The following GLRA3 variants were observed in gnomAD, a reference collection of about 807,000 sequenced individuals.
GLRA3 encodes glycine receptor alpha 3, also known as glycine receptor subunit alpha-3.
Under a neutral mutation model 60.4 loss-of-function variants are expected in GLRA3, and 44 were observed. The ratio of observed to expected loss-of-function variants is 0.73; its 90% confidence interval spans 0.57 to 0.94. The LOEUF is 0.94. GLRA3 is among the 40% of genes least tolerant of loss of function. The pLI, the probability that GLRA3 is intolerant of heterozygous loss-of-function variation, is 0.00. For missense variants in GLRA3, 508 were observed against 564.6 expected, an observed-to-expected ratio of 0.90 and a Z score of 1.02; for synonymous variants, 223 against 192.9, an observed-to-expected ratio of 1.16 and a Z score of -1.29.
chr4:174,703,380 C>T (rs112054538), intron 5 of GLRA3, among the ~76,000 whole-genome samples: 2,273 of 152,258 alleles, frequency 0.015, 64 homozygotes, highest in African/African-American at 0.053. Flanking sequence ...AAGTCCACCT[C>T]ACTCATTTAT....
chr4:174,747,520 T>C (rs1030359619), intron 3 of GLRA3, among the ~76,000 whole-genome samples: 6 of 151,916 alleles, frequency 3.9e-5, no homozygotes, highest in Non-Finnish European at 8.8e-5. Context: ...AGATCCAGGG[T>C]AGTGATTGGG....
intron 3 of GLRA3, among the ~76,000 whole-genome samples, chr4:174,750,639 T>C (rs77679777): frequency 0.071 from 10,847 of 152,124 alleles, 504 homozygotes; most frequent in African/African-American, 0.12. Context: ...ATAGTGATAA[T>C]TGCCAAGGTG....
chr4:174,821,247 T>C (rs1203272277), intron 1 of GLRA3, among the ~76,000 whole-genome samples: 5 of 152,228 alleles, frequency 3.3e-5, no homozygotes, highest in Non-Finnish European at 7.3e-5. Context: ...TGGAACTATA[T>C]GCATTTATGG....
intron 5 of GLRA3, among the ~76,000 whole-genome samples, chr4:174,692,284 A>G (rs7680053): frequency 0.94 from 135,392 of 143,992 alleles, 63,542 homozygotes; most frequent in East Asian, 1. Flanking sequence ...TCAGCACCCC[A>G]CCCGGCCAGC....
At chr4:174,650,660 G>C (rs1732992500) in intron 9 of GLRA3, among the ~76,000 whole-genome samples, 1 of 152,170 alleles carries the variant, frequency 6.6e-6, no homozygotes, top group South Asian at 2.1e-4. Flanking sequence ...CAGTCTAAGT[G>C]CCCTGGCAAA....
intron 3 of GLRA3, among the ~76,000 whole-genome samples, chr4:174,731,264 C>T (rs1442764584): frequency 6.6e-6 from 1 of 152,122 alleles, no homozygotes; most frequent in East Asian, 1.9e-4. Context: ...GCCACAGTAT[C>T]CCATTATACC....
rs1431097436 is a variant in GLRA3 at position 174,643,742 on chromosome 4, C to T, written c.*44G>A. On this transcript the variant is annotated 3_prime_UTR_variant, in exon 10 of 10. Coordinates refer to ENST00000274093, the MANE Select transcript of GLRA3 (RefSeq NM_006529.4). ...CACATACACACCTATGGCAGAGACACTTTCTTCTGAATTGACCATTTGCAT... is the reference window on the plus strand; with the variant it reads ...CACATACACACCTATGGCAGAGACATTTTCTTCTGAATTGACCATTTGCAT... 4 of 1,586,390 alleles carry T rather than the reference C, an allele frequency of 2.5e-6. No individual in the cohort carries two copies. The Admixed American group carries it at 7.0e-5, about 28-fold the overall frequency.
rs1285506982 is a variant in GLRA3, at chr4:174,637,169, A to C, written c.*6617T>G. 2 of 152,188 alleles carry C rather than the reference A, an allele frequency of 1.3e-5. No homozygotes were observed. Among genetic ancestry groups the C allele is most frequent in the Admixed American group, 1.3e-4 (2 of 15,272 alleles). The allele number at this position is 152,188 out of a possible 1,614,324, so 9.4% of individuals were successfully genotyped here. On this transcript the variant is annotated 3_prime_UTR_variant, in exon 10 of 10. Coordinates refer to ENST00000274093, the MANE Select transcript of GLRA3 (RefSeq NM_006529.4). ...GAAGACAGACTTAGACATAAGACTCAAGAAGACAGAAAAATAATTTACACC... is the reference window on the plus strand; with the variant it reads ...GAAGACAGACTTAGACATAAGACTCCAGAAGACAGAAAAATAATTTACACC...
chr4:174,784,406 A>G (rs1739032804), intron 2 of GLRA3, among the ~76,000 whole-genome samples: 1 of 147,672 alleles, frequency 6.8e-6, no homozygotes, highest in African/African-American at 2.5e-5. Context: ...AGCATGGCAC[A>G]TGTATACATA....
In GLRA3 at chr4:174,829,154, A is replaced by G. The variant is rs1402827724; in HGVS notation, c.-343T>C. ...CGTTCTTCCCTGACTGAGACCCAGGATTGGAGGAAGAAGAGCAGCAACAGC... is the reference window on the plus strand; with the variant it reads ...CGTTCTTCCCTGACTGAGACCCAGGGTTGGAGGAAGAAGAGCAGCAACAGC... On this transcript the variant is annotated 5_prime_UTR_variant, in exon 1 of 10. Transcript: ENST00000274093. 5.4e-6 allele frequency: 1 copy of G among 185,000 alleles called. No homozygotes were observed. Among genetic ancestry groups the G allele is most frequent in the South Asian group, 1.1e-4 (1 of 8,744 alleles). 11.5% of individuals were successfully genotyped at this position (185,000 alleles called of 1,614,324 possible). A position where few individuals can be genotyped will look rare whatever the true frequency, so the allele number is the denominator to read the frequency against.
At chr4:174,816,895 T>G (rs899497433) in intron 1 of GLRA3, among the ~76,000 whole-genome samples, 3 of 152,222 alleles carry the variant, frequency 2.0e-5, no homozygotes, top group Non-Finnish European at 4.4e-5. Context: ...ATGAGATTTT[T>G]TGATACAGGC....
chr4:174,732,115 G>C (rs775571477), intron 3 of GLRA3, among the ~76,000 whole-genome samples: 1 of 152,162 alleles, frequency 6.6e-6, no homozygotes, highest in Non-Finnish European at 1.5e-5. Flanking sequence ...CCAGCACTTC[G>C]GGAGGCCGAG....
At position 174,641,326 on chromosome 4, in the gene GLRA3, T is replaced by C. The variant is rs1732616872; in HGVS notation, c.*2460A>G. 6.6e-6 allele frequency: 1 copy of C among 152,112 alleles called. No individual in the cohort carries two copies. Among genetic ancestry groups the C allele is most frequent in the Non-Finnish European group, 1.5e-5 (1 of 67,958 alleles). The allele number at this position is 152,112 out of a possible 1,614,324, so 9.4% of individuals were successfully genotyped here. A position where few individuals can be genotyped will look rare whatever the true frequency, so the allele number is the denominator to read the frequency against. On this transcript the variant is annotated 3_prime_UTR_variant, in exon 10 of 10. Transcript: ENST00000274093. ...ATATTCTGGTTGGACACAGGGCTTA[T>C]TGAGGCAAATATTATCTCAGGATGC...
intron 3 of GLRA3, among the ~76,000 whole-genome samples, chr4:174,744,256 C>A (rs1242616789): frequency 6.6e-6 from 1 of 152,258 alleles, no homozygotes; most frequent in East Asian, 1.9e-4. Context: ...ACACTGGCTG[C>A]TCAGGGACCT....
intron 1 of GLRA3, among the ~76,000 whole-genome samples, chr4:174,817,078 C>T (rs546450216): frequency 6.6e-6 from 1 of 152,154 alleles, no homozygotes; most frequent in Admixed American, 6.6e-5. Flanking sequence ...CATCTGGAGC[C>T]TCTGGACATC....
chr4:174,721,007 T>TTGTGTGTGTGTG (rs10639932), intron 4 of GLRA3, among the ~76,000 whole-genome samples: 104 of 141,556 alleles, frequency 7.3e-4, no homozygotes, highest in African/African-American at 2.4e-3. Flanking sequence ...TGTGTGAACT[T>TTGTGTGTGTGTG]TGTGTGTGTG....
At chr4:174,828,524 C>A (rs1578951193) in intron 1 of GLRA3, among the ~76,000 whole-genome samples, 1 of 152,134 alleles carries the variant, frequency 6.6e-6, no homozygotes, top group Non-Finnish European at 1.5e-5. Context: ...ACGCAAGATG[C>A]CAGTTACTAA....
At chr4:174,732,043 G>A (rs781608652) in intron 3 of GLRA3, among the ~76,000 whole-genome samples, 6 of 152,072 alleles carry the variant, frequency 3.9e-5, no homozygotes, top group Non-Finnish European at 7.4e-5. Flanking sequence ...TTTATACATC[G>A]CCGCGAAAAG....
intron 1 of GLRA3, among the ~76,000 whole-genome samples, chr4:174,828,063 C>T (rs1192372194): frequency 6.6e-6 from 1 of 151,922 alleles, no homozygotes; most frequent in Non-Finnish European, 1.5e-5. Context: ...TTTTTTTAAG[C>T]CTACCAAATA....
Sources: allele counts gnomAD v4.1 joint callset (sites outside exome capture counted in the v4.1 genomes callset), GRCh38; gene constraint gnomAD v4.1.1; transcripts MANE v1.5; gene names NCBI Gene and HGNC (gene_info 2026-07-23, HGNC 2026-07-21).